ZFP1: variants seen among roughly 807,000 people sequenced by gnomAD.
ZFP1 encodes the protein zinc finger protein 1 homolog.
Under a neutral mutation model 38.5 loss-of-function variants are expected in ZFP1, and 32 were observed. That is an observed-to-expected ratio of 0.83 (90% CI 0.63 to 1.12). The LOEUF is 1.12. Ranked by LOEUF, ZFP1 falls within the 50% of genes most tolerant of loss-of-function variation. The probability of loss-of-function intolerance (pLI) is 0.00; values close to 1 mark genes in which losing one functional copy is unlikely to be tolerated. For synonymous variants in ZFP1, 245 were observed against 168.8 expected, an observed-to-expected ratio of 1.45 and a Z score of -3.50; for missense variants, 616 against 480.8, an observed-to-expected ratio of 1.28 and a Z score of -2.63.
intron 2 of ZFP1, among the ~76,000 whole-genome samples, chr16:75,166,106 T>G (rs993647625): frequency 1.3e-5 from 2 of 152,192 alleles, no homozygotes; most frequent in African/African-American, 4.8e-5. Flanking sequence ...ATCTTCTGCC[T>G]TAAAGAGTTA....
At chr16:75,155,217 A>G (rs996750960) in intron 2 of ZFP1, among the ~76,000 whole-genome samples, 1 of 152,198 alleles carries the variant, frequency 6.6e-6, no homozygotes, top group Non-Finnish European at 1.5e-5. Flanking sequence ...TGCAGCCTCG[A>G]CTTGCTGGAC....
upstream of ZFP1, among the ~76,000 whole-genome samples, chr16:75,146,162 A>ATTTT (rs201868781): frequency 7.1e-6 from 1 of 141,688 alleles, no homozygotes; most frequent in Non-Finnish European, 1.5e-5. Context: ...AACCATGCTA[A>ATTTT]TTTTTTTTTT....
intron 2 of ZFP1, among the ~76,000 whole-genome samples, chr16:75,158,559 C>CT (rs2037583737): frequency 6.6e-6 from 1 of 150,632 alleles, no homozygotes; most frequent in Non-Finnish European, 1.5e-5. Flanking sequence ...TCCCAAAGGG[C>CT]TGGGATTATA....
chr16:75,137,458 A>ATTCT, the ZFP1 span, among the ~76,000 whole-genome samples: 2 of 34,826 alleles, frequency 5.7e-5, 1 homozygote, highest in Non-Finnish European at 1.2e-4. Flanking sequence ...TACAAAAAAA[A>ATTCT]TTCTTTTTTT....
intron 2 of ZFP1, among the ~76,000 whole-genome samples, chr16:75,155,309 T>G (rs2037416585): frequency 6.6e-6 from 1 of 152,146 alleles, no homozygotes; most frequent in African/African-American, 2.4e-5. Flanking sequence ...TTTTTTGTAT[T>G]TTTTTGTAGA....
chr16:75,139,940 A>C, the ZFP1 span, among the ~76,000 whole-genome samples: 3 of 152,314 alleles, frequency 2.0e-5, no homozygotes, highest in Admixed American at 1.3e-4. Context: ...TTAAGATAGT[A>C]AATTTTATTA....
chr16:75,135,209 C>CATAAAAAAAAA, the ZFP1 span, among the ~76,000 whole-genome samples: 1 of 14,954 alleles, frequency 6.7e-5, no homozygotes, highest in Non-Finnish European at 1.1e-4. Flanking sequence ...GACCTTATCT[C>CATAAAAAAAAA]AAAAAAAAAA....
intron 2 of ZFP1, among the ~76,000 whole-genome samples, chr16:75,154,585 T>G (rs2037377791): frequency 6.6e-6 from 1 of 151,360 alleles, no homozygotes. Flanking sequence ...TTTTTTTTTT[T>G]TTTTTTTTTG....
At chr16:75,142,304 T>C in the ZFP1 span, among the ~76,000 whole-genome samples, 1 of 151,444 alleles carries the variant, frequency 6.6e-6, no homozygotes. Context: ...AAGGTGGAAG[T>C]TGCAGTGAGC....
intron 2 of ZFP1, among the ~76,000 whole-genome samples, chr16:75,157,586 T>C (rs1363974737): frequency 1.3e-5 from 2 of 152,096 alleles, no homozygotes; most frequent in African/African-American, 4.8e-5. Flanking sequence ...GGTATGAATG[T>C]GGATTTGTCC....
chr16:75,161,519 A>G (rs549736351), intron 2 of ZFP1, among the ~76,000 whole-genome samples: 1 of 150,768 alleles, frequency 6.6e-6, no homozygotes, highest in East Asian at 2.0e-4. Flanking sequence ...TATTTTGTCC[A>G]GTTTTTATGG....
At chr16:75,140,209 G>A in the ZFP1 span, among the ~76,000 whole-genome samples, 23 of 151,972 alleles carry the variant, frequency 1.5e-4, no homozygotes, top group African/African-American at 5.5e-4. Flanking sequence ...TAGACGTTGC[G>A]GTGAGCTGAG....
chr16:75,129,114 A>G, the ZFP1 span, among the ~76,000 whole-genome samples: 4 of 152,106 alleles, frequency 2.6e-5, no homozygotes, highest in African/African-American at 7.2e-5. Context: ...CTGTCTACTG[A>G]TGTATGGACT....
chr16:75,156,261 C>T (rs1022323292), intron 2 of ZFP1, among the ~76,000 whole-genome samples: 2 of 152,150 alleles, frequency 1.3e-5, no homozygotes, highest in Non-Finnish European at 2.9e-5. Flanking sequence ...CGAGACCAGC[C>T]TGGCCAACAT....
chr16:75,141,741 T>TAA, the ZFP1 span, among the ~76,000 whole-genome samples: 6 of 129,056 alleles, frequency 4.6e-5, no homozygotes, highest in African/African-American at 1.4e-4. Flanking sequence ...ACAAATTAAT[T>TAA]TAAAAAAAAA....
chr16:75,163,537 C>G (rs966256230), intron 2 of ZFP1, among the ~76,000 whole-genome samples: 2 of 151,880 alleles, frequency 1.3e-5, no homozygotes, highest in Non-Finnish European at 2.9e-5. Context: ...GTATCAAACT[C>G]CTGACCTCAG....
the ZFP1 span, among the ~76,000 whole-genome samples, chr16:75,127,028 C>T: frequency 1.3e-5 from 2 of 152,148 alleles, no homozygotes; most frequent in Non-Finnish European, 2.9e-5. Flanking sequence ...ACTTAATGTA[C>T]ATTATCAGTA....
rs2038362165 is a variant in ZFP1, at chr16:75,170,398, C to T, written c.*64C>T. The T allele has an allele frequency of 2.0e-6, 3 of 1,498,460 alleles. No homozygotes were observed. Among genetic ancestry groups the T allele is most frequent in the Non-Finnish European group, 2.7e-6 (3 of 1,124,656 alleles). 92.8% of individuals were successfully genotyped at this position (1,498,460 alleles called of 1,614,324 possible). A position where few individuals can be genotyped will look rare whatever the true frequency, so the allele number is the denominator to read the frequency against. ...AACTCTTCAAGCGGGTGAAAAACCT[C>T]ATGACAGTATTGAGGGAACATGGGA... On this transcript the variant is annotated 3_prime_UTR_variant, in exon 4 of 4. Coordinates refer to ENST00000570010, the MANE Select transcript of ZFP1 (RefSeq NM_153688.4).
intron 1 of ZFP1, among the ~76,000 whole-genome samples, chr16:75,151,789 A>G (rs1268229490): frequency 6.6e-6 from 1 of 152,070 alleles, no homozygotes; most frequent in Non-Finnish European, 1.5e-5. Context: ...ATTTTCATTT[A>G]TTTGTGTAGA....
Sources: allele counts gnomAD v4.1 joint callset (sites outside exome capture counted in the v4.1 genomes callset), GRCh38; gene constraint gnomAD v4.1.1; transcripts MANE v1.5; gene names NCBI Gene and HGNC (gene_info 2026-07-23, HGNC 2026-07-21).